Variants in KANSL1L observed in about 807,000 individuals in gnomAD.
KANSL1L encodes the protein KAT8 regulatory NSL complex subunit 1 like.
Under a neutral mutation model 108.6 loss-of-function variants are expected in KANSL1L, and 25 were observed. The ratio of observed to expected loss-of-function variants is 0.23; its 90% CI spans 0.17 to 0.32. The LOEUF is 0.32. Among genes scored for constraint, KANSL1L ranks in the 10% least tolerant of loss-of-function variants. KANSL1L has a pLI of 1.00. For missense variants in KANSL1L, 1,137 were observed against 1,125.7 expected (o/e 1.01, Z -0.14); for synonymous variants, 405 against 395.1 (o/e 1.03, Z -0.30).
intron 5 of KANSL1L, among the ~76,000 whole-genome samples, chr2:210,077,244 G>A (rs1170615679): frequency 6.6e-6 from 1 of 151,874 alleles, no homozygotes; most frequent in Non-Finnish European, 1.5e-5. Context: ...AAAAGGAGTT[G>A]ATGACAACTA....
rs568217157 is a variant in KANSL1L, at chr2:210,144,656, C to G, written c.1088+8839G>C. On this transcript the variant is annotated intron_variant, in intron 2 of 14. Coordinates refer to ENST00000281772, the MANE Select transcript of KANSL1L (RefSeq NM_152519.4). ...CAGCTCCAGAATTTCTGCCTAGTTA[C>G]CTTTTTTTAAATAATTTCAATCATT... 1.2e-4 allele frequency among the ~76,000 whole-genome samples: 19 copies of G among 152,196 alleles called. No homozygotes were observed. In the South Asian group the frequency reaches 2.1e-3, roughly 17 times the overall value.
chr2:210,133,262 A>G (rs945597738), intron 2 of KANSL1L, among the ~76,000 whole-genome samples: 1 of 152,098 alleles, frequency 6.6e-6, no homozygotes, highest in African/African-American at 2.4e-5. Flanking sequence ...TATCTAATAC[A>G]ATGTAAATAT....
chr2:210,060,709 TAAG>T (rs909526178), intron 6 of KANSL1L, among the ~76,000 whole-genome samples: 5 of 152,072 alleles, frequency 3.3e-5, no homozygotes, highest in Non-Finnish European at 7.4e-5. Context: ...TGTATGGAAA[TAAG>T]AAGAGGAAAA....
At chr2:210,156,555 CTG>C (rs1373439224) in intron 1 of KANSL1L, among the ~76,000 whole-genome samples, 1 of 151,962 alleles carries the variant, frequency 6.6e-6, no homozygotes, top group Admixed American at 6.6e-5. Flanking sequence ...AAAAAGAACA[CTG>C]TAAAATATAT....
At chr2:210,067,013 T>G (rs553630039) in intron 6 of KANSL1L, among the ~76,000 whole-genome samples, 100 of 152,290 alleles carry the variant, frequency 6.6e-4, no homozygotes, top group African/African-American at 2.2e-3. Flanking sequence ...ATAGCACGAA[T>G]AAAACAAAAA....
intron 5 of KANSL1L, 113 bp from the exon 6 acceptor site, chr2:210,075,869 G>T: frequency 1.4e-6 from 1 of 727,334 alleles, no homozygotes; most frequent in Non-Finnish European, 2.2e-6. Flanking sequence ...TGACAGAAAA[G>T]TATTAATTTT....
rs535591288 is a variant in KANSL1L at position 210,126,737 on chromosome 2, G to C, written c.1230+2294C>G. ...GGAGGCTGAGGCATGAGAATCACTT[G>C]AGCCTGGAAGGTGGAGGTTGCAGTG... On this transcript the variant is annotated intron_variant, in intron 3 of 14. Transcript: ENST00000281772. Among the ~76,000 whole-genome samples, 12 of 152,318 alleles carry C rather than the reference G, an allele frequency of 7.9e-5. No homozygotes were observed. The East Asian group carries it at 2.1e-3, about 27-fold the overall frequency.
chr2:210,105,405 T>G (rs1053589964), intron 3 of KANSL1L, among the ~76,000 whole-genome samples: 2 of 148,216 alleles, frequency 1.3e-5, no homozygotes, highest in African/African-American at 4.9e-5. Context: ...AACATGCTAA[T>G]AAATTCCTAT....
At chr2:210,041,183 C>T (rs753980284) in intron 7 of KANSL1L, among the ~76,000 whole-genome samples, 7 of 152,148 alleles carry the variant, frequency 4.6e-5, no homozygotes, top group Admixed American at 4.6e-4. Flanking sequence ...TGTACTCTCA[C>T]AACCAAAGAG....
At chr2:210,094,281 C>T (rs557580140) in intron 5 of KANSL1L, among the ~76,000 whole-genome samples, 2 of 152,018 alleles carry the variant, frequency 1.3e-5, no homozygotes, top group Non-Finnish European at 2.9e-5. Context: ...ATTATAAATA[C>T]ATAAATAGTA....
At chr2:210,140,308 C>G (rs766835682) in intron 2 of KANSL1L, among the ~76,000 whole-genome samples, 4 of 152,186 alleles carry the variant, frequency 2.6e-5, no homozygotes, top group Non-Finnish European at 4.4e-5. Context: ...ATGTTGAAGT[C>G]TTTAATCACC....
chr2:210,056,850 C>A (rs1380558245), intron 6 of KANSL1L, among the ~76,000 whole-genome samples: 1 of 152,070 alleles, frequency 6.6e-6, no homozygotes, highest in Non-Finnish European at 1.5e-5. Context: ...CCTTTTTCTT[C>A]TTTTCTTCAT....
chr2:210,148,096 A>G (rs2095278086), intron 2 of KANSL1L, among the ~76,000 whole-genome samples: 2 of 152,230 alleles, frequency 1.3e-5, no homozygotes, highest in South Asian at 2.1e-4. Flanking sequence ...GTAAAAACTT[A>G]AAGAAAATTT....
chr2:210,165,932 T>G (rs1352256654), intron 1 of KANSL1L, among the ~76,000 whole-genome samples: 1 of 152,180 alleles, frequency 6.6e-6, no homozygotes, highest in Non-Finnish European at 1.5e-5. Context: ...CTTTTATGTA[T>G]AGTTATAACT....
At chr2:210,076,784 CATATT>C (rs1318468295) in intron 5 of KANSL1L, among the ~76,000 whole-genome samples, 1 of 148,558 alleles carries the variant, frequency 6.7e-6, no homozygotes, top group African/African-American at 2.6e-5. Context: ...TTTATACTAT[CATATT>C]ATATATACAA....
chr2:210,139,153 T>C lies in KANSL1L; in HGVS notation c.1089-9981A>G, dbSNP rs561134451. ...TGCATTCAATTATGTCTCAATAAAC[T>C]CACCTTAAAGTTGAAAAATTGTAAG... On this transcript the variant is annotated intron_variant, in intron 2 of 14. Coordinates refer to ENST00000281772, the MANE Select transcript of KANSL1L (RefSeq NM_152519.4). Among the ~76,000 whole-genome samples, 9 of 152,216 alleles carry C rather than the reference T, an allele frequency of 5.9e-5. No individual in the cohort carries two copies. The South Asian group carries it at 1.9e-3, about 32-fold the overall frequency.
intron 2 of KANSL1L, 77 bp downstream of exon 2, chr2:210,153,418 G>T: frequency 5.7e-6 from 6 of 1,051,058 alleles, no homozygotes; most frequent in East Asian, 2.5e-5. Context: ...TCTATTTCTT[G>T]TCAACATACC....
chr2:210,138,204 TAATCACAGAAACAGA>T (rs1480253628), intron 2 of KANSL1L, among the ~76,000 whole-genome samples: 1 of 152,020 alleles, frequency 6.6e-6, no homozygotes, highest in East Asian at 1.9e-4. Flanking sequence ...AAAACAGTGC[TAATCACAGAAACAGA>T]AAACCAAATA....
At chr2:210,035,684 G>A (rs2094092647) in intron 8 of KANSL1L, among the ~76,000 whole-genome samples, 1 of 152,092 alleles carries the variant, frequency 6.6e-6, no homozygotes, top group Non-Finnish European at 1.5e-5. Flanking sequence ...TCACCATGTT[G>A]CCAAGGCTGG....
Sources: gnomAD v4.1 joint callset for allele counts (sites outside exome capture counted in the v4.1 genomes callset) on GRCh38, gnomAD v4.1.1 for gene constraint, MANE v1.5 for transcripts, NCBI Gene and HGNC (gene_info 2026-07-23, HGNC 2026-07-21) for gene names.